The following HYDIN variants were observed in gnomAD, a reference collection of about 807,000 sequenced individuals.
HYDIN encodes the protein axonemal central pair apparatus protein HYDIN.
HYDIN carries 132 observed loss-of-function variants against 403.9 expected under a neutral mutation model. The ratio of observed to expected loss-of-function variants is 0.33; its 90% CI spans 0.28 to 0.38. The LOEUF is 0.38. Among genes scored for constraint, HYDIN ranks in the 10% least tolerant of loss-of-function variants. HYDIN has a pLI of 1.00. For missense variants in HYDIN, 2,827 were observed against 5,009.5 expected (o/e 0.56, Z 13.15); for synonymous variants, 1,202 against 1,891.7 (o/e 0.64, Z 9.46).
chr16:71,029,248 AT>A (rs1330799962), intron 19 of HYDIN, among the ~76,000 whole-genome samples: 1 of 143,710 alleles, frequency 7.0e-6, no homozygotes, highest in African/African-American at 2.6e-5. Context: ...ATGTTAAGAA[AT>A]GGGCATGGCT....
chr16:70,872,831 T>G (rs543464244), intron 64 of HYDIN, among the ~76,000 whole-genome samples: 1 of 128,586 alleles, frequency 7.8e-6, no homozygotes, highest in Non-Finnish European at 1.7e-5. Context: ...TCCATCCATA[T>G]ATCCATCCAT....
intron 1 of HYDIN, among the ~76,000 whole-genome samples, chr16:71,192,683 A>G (rs2087494424): frequency 6.6e-6 from 1 of 151,946 alleles, no homozygotes; most frequent in African/African-American, 2.4e-5. Flanking sequence ...CTTCCTTATG[A>G]TCTCACAGGT....
intron 80 of HYDIN, among the ~76,000 whole-genome samples, chr16:70,832,544 T>A (rs1363530020): frequency 1.5e-5 from 2 of 131,046 alleles, no homozygotes; most frequent in Non-Finnish European, 3.3e-5. Context: ...ACCAAGGCCA[T>A]TTTTTTTTAA....
rs1165956728 is a variant in HYDIN at position 70,967,364 on chromosome 16, G to A, written c.5620-2468C>T. On this transcript the variant is annotated intron_variant, in intron 36 of 85. Coordinates refer to ENST00000393567, the MANE Select transcript of HYDIN (RefSeq NM_001270974.2). ...CTCACTCTGTCACCCAGGCTGGAGT[G>A]CAGTGGTATGATCTTGGTTTACTGC... is the stretch of plus-strand genomic sequence containing the variant. Among the ~76,000 whole-genome samples the A allele has an allele frequency of 3.3e-5, 5 of 151,988 alleles. No homozygotes were observed. In the East Asian group the frequency reaches 7.8e-4, roughly 24 times the overall value.
chr16:71,193,068 C>G (rs1371319423), intron 1 of HYDIN, among the ~76,000 whole-genome samples: 2 of 152,190 alleles, frequency 1.3e-5, no homozygotes, highest in African/African-American at 2.4e-5. Flanking sequence ...TTTGCATATG[C>G]CCCTCTAATT....
intron 52 of HYDIN, among the ~76,000 whole-genome samples, chr16:70,901,707 TC>T (rs1344614973): frequency 6.3e-4 from 95 of 150,612 alleles, no homozygotes; most frequent in African/African-American, 2.3e-3. Flanking sequence ...TGCCTCAGCC[TC>T]CTGAGTAGCT....
chr16:70,842,631 C>T (rs1338632640), intron 75 of HYDIN, among the ~76,000 whole-genome samples: 1 of 151,764 alleles, frequency 6.6e-6, no homozygotes, highest in East Asian at 1.9e-4. Context: ...AAGTGAGTCT[C>T]TTGTAGACAG....
intron 4 of HYDIN, 188 bp from the exon 5 acceptor site, chr16:71,175,929 A>G: frequency 1.5e-6 from 1 of 652,786 alleles, no homozygotes; most frequent in Non-Finnish European, 2.7e-6. Flanking sequence ...AATACCTTCT[A>G]GCTTTCATTT....
At chr16:71,130,469 G>T (rs559537211) in intron 8 of HYDIN, among the ~76,000 whole-genome samples, 1 of 129,454 alleles carries the variant, frequency 7.7e-6, no homozygotes, top group Non-Finnish European at 1.7e-5. Flanking sequence ...CATATATACC[G>T]GTTTTTTTTT....
chr16:70,994,177 T>C (rs1032065955), intron 23 of HYDIN, among the ~76,000 whole-genome samples: 1 of 151,960 alleles, frequency 6.6e-6, no homozygotes, highest in East Asian at 1.9e-4. Context: ...ATCCACGGTG[T>C]CCCCTCTTTA....
intron 15 of HYDIN, among the ~76,000 whole-genome samples, chr16:71,065,179 C>T: frequency 6.6e-6 from 1 of 152,226 alleles, no homozygotes; most frequent in Admixed American, 6.5e-5. Context: ...CCATGCCAAA[C>T]AGGGCCAATG....
intron 16 of HYDIN, among the ~76,000 whole-genome samples, chr16:71,063,383 T>A (rs866134428): frequency 1.3e-5 from 2 of 152,284 alleles, no homozygotes; most frequent in African/African-American, 2.4e-5. Context: ...TTGTTTATTA[T>A]GGATTTTTTG....
chr16:70,958,179 T>C (rs1425465751), intron 39 of HYDIN, among the ~76,000 whole-genome samples: 1 of 152,212 alleles, frequency 6.6e-6, no homozygotes, highest in Non-Finnish European at 1.5e-5. Flanking sequence ...ATATGGATTA[T>C]AAACAAAAGA....
chr16:70,853,747 C>T (rs921150997), intron 73 of HYDIN, among the ~76,000 whole-genome samples: 31 of 141,148 alleles, frequency 2.2e-4, no homozygotes, highest in East Asian at 5.9e-4. Context: ...AGGAATCCTG[C>T]GGCAAGGGAT....
At chr16:70,897,620 G>T (rs929771522) in intron 53 of HYDIN, among the ~76,000 whole-genome samples, 1 of 143,754 alleles carries the variant, frequency 7.0e-6, no homozygotes, top group Non-Finnish European at 1.5e-5. Flanking sequence ...GGGTGGGTCG[G>T]AGGCAGTGGG....
intron 15 of HYDIN, 83 bp from the exon 16 acceptor site, chr16:71,064,923 T>C (rs1446385965): frequency 6.7e-7 from 1 of 1,495,548 alleles, no homozygotes; most frequent in African/African-American, 1.4e-5. Context: ...CGAGATACAT[T>C]TGTCAGTGTC....
At chr16:71,170,089 T>A (rs971252955) in intron 5 of HYDIN, among the ~76,000 whole-genome samples, 1 of 152,048 alleles carries the variant, frequency 6.6e-6, no homozygotes, top group Non-Finnish European at 1.5e-5. Flanking sequence ...GTAGCCAGAG[T>A]GGTCCTAAAA....
chr16:71,066,354 C>T (rs1374379747), intron 15 of HYDIN: 1 of 153,620 alleles, frequency 6.5e-6, no homozygotes, highest in Non-Finnish European at 1.4e-5. Flanking sequence ...TGCTATTTAT[C>T]TTCATCCAAG....
intron 6 of HYDIN, among the ~76,000 whole-genome samples, chr16:71,161,627 T>G (rs957214552): frequency 1.3e-5 from 2 of 152,218 alleles, no homozygotes; most frequent in African/African-American, 4.8e-5. Context: ...TGAACTCTTC[T>G]GCTTCCTTCT....
Sources: gnomAD v4.1 joint callset for allele counts (sites outside exome capture counted in the v4.1 genomes callset) on GRCh38, gnomAD v4.1.1 for gene constraint, MANE v1.5 for transcripts, NCBI Gene and HGNC (gene_info 2026-07-23, HGNC 2026-07-21) for gene names.